Variants in PREX1 observed in about 807,000 individuals in gnomAD.
The protein encoded by PREX1 is phosphatidylinositol-3,4,5-trisphosphate dependent Rac exchange factor 1, also known as phosphatidylinositol 3,4,5-trisphosphate-dependent Rac exchanger 1 protein.
Under a neutral mutation model 198.3 loss-of-function variants are expected in PREX1, and 41 were observed. The observed-to-expected ratio is 0.21, with a 90% confidence interval of 0.16 to 0.27. PREX1 has a LOEUF of 0.27. PREX1 is among the 10% of genes least tolerant of loss of function. The pLI is 1.00. For missense variants in PREX1, 1,620 were observed against 2,200.7 expected, an observed-to-expected ratio of 0.74 and a Z score of 5.28; for synonymous variants, 843 against 887.2, an observed-to-expected ratio of 0.95 and a Z score of 0.89.
chr20:48,660,138 C>T (rs1343511130), intron 15 of PREX1, 77 bp from the exon 16 acceptor site: 15 of 1,570,218 alleles, frequency 9.6e-6, no homozygotes, highest in Non-Finnish European at 2.6e-6. Flanking sequence ...CTGGCAGGCA[C>T]AGGCTGGAAC....
At chr20:48,759,563 AAAAAAGAAAAGAAAG>A (rs1314466923) in intron 1 of PREX1, among the ~76,000 whole-genome samples, 5 of 151,444 alleles carry the variant, frequency 3.3e-5, no homozygotes, top group African/African-American at 1.2e-4. Flanking sequence ...AAAAAAAAAA[AAAAAAGAAAAGAAAG>A]AAAAAAAGAA....
chr20:48,707,677 AACC>A (rs2089909800), intron 6 of PREX1, among the ~76,000 whole-genome samples: 1 of 152,180 alleles, frequency 6.6e-6, no homozygotes, highest in Non-Finnish European at 1.5e-5. Flanking sequence ...ATTCACAGGA[AACC>A]TCTAATAATC....
chr20:48,856,920 T>A, the PREX1 span, among the ~76,000 whole-genome samples: 22 of 152,176 alleles, frequency 1.4e-4, no homozygotes, highest in Admixed American at 5.2e-4. Flanking sequence ...GTTCACTGCA[T>A]CCTCTGCCTC....
chr20:48,866,169 C>G, the PREX1 span, among the ~76,000 whole-genome samples: 2 of 152,064 alleles, frequency 1.3e-5, no homozygotes, highest in Admixed American at 6.6e-5. Flanking sequence ...CCAGGCTGGT[C>G]TCAAACTCCT....
At chr20:48,849,186 C>A in the PREX1 span, among the ~76,000 whole-genome samples, 1 of 152,112 alleles carries the variant, frequency 6.6e-6, no homozygotes, top group Admixed American at 6.5e-5. Context: ...TCCATTTCCA[C>A]CATGTAGCTT....
At chr20:48,726,065 G>A (rs1275213772) in intron 5 of PREX1, among the ~76,000 whole-genome samples, 1 of 152,162 alleles carries the variant, frequency 6.6e-6, no homozygotes, top group African/African-American at 2.4e-5. Flanking sequence ...AACTTGAGAG[G>A]ATGTGAGGCC....
chr20:48,686,751 A>AC (rs1040789577), intron 10 of PREX1, among the ~76,000 whole-genome samples: 1 of 152,240 alleles, frequency 6.6e-6, no homozygotes, highest in African/African-American at 2.4e-5. Context: ...AAAATAGGGC[A>AC]CCAAGGCCCT....
chr20:48,630,900 ACT>A (rs1225511452), intron 35 of PREX1, 106 bp from the exon 36 acceptor site: 8 of 813,654 alleles, frequency 9.8e-6, no homozygotes, highest in South Asian at 6.3e-5. Flanking sequence ...CCCTCTGCCG[ACT>A]CTCAGAATGA....
intron 1 of PREX1, among the ~76,000 whole-genome samples, chr20:48,791,186 C>T (rs532176700): frequency 1.3e-5 from 2 of 152,180 alleles, no homozygotes; most frequent in Non-Finnish European, 2.9e-5. Flanking sequence ...TCACTCCCTT[C>T]GGTAAACACA....
intron 3 of PREX1, among the ~76,000 whole-genome samples, chr20:48,738,628 A>G (rs1402200164): frequency 6.6e-6 from 1 of 152,194 alleles, no homozygotes; most frequent in Non-Finnish European, 1.5e-5. Flanking sequence ...GAAACGGACA[A>G]ACAGTTGTGC....
At chr20:48,755,713 A>G (rs2090153453) in intron 1 of PREX1, among the ~76,000 whole-genome samples, 1 of 152,204 alleles carries the variant, frequency 6.6e-6, no homozygotes, top group African/African-American at 2.4e-5. Context: ...ACCTATAATT[A>G]CAGAATAAGG....
At chr20:48,723,358 T>A (rs1448696770) in intron 5 of PREX1, among the ~76,000 whole-genome samples, 1 of 152,110 alleles carries the variant, frequency 6.6e-6, no homozygotes, top group Non-Finnish European at 1.5e-5. Context: ...CTGGAAAATG[T>A]GACAGAAAGA....
intron 27 of PREX1, 122 bp downstream of exon 27, chr20:48,644,287 G>A: frequency 1.2e-6 from 1 of 826,790 alleles, no homozygotes. Context: ...ATCAAGTACA[G>A]GACCATGCAA....
chr20:48,868,515 G>A, the PREX1 span, among the ~76,000 whole-genome samples: 2 of 152,232 alleles, frequency 1.3e-5, no homozygotes, highest in Admixed American at 6.5e-5. Context: ...TTTTAGTAGA[G>A]ACAGGGTTTC....
At chr20:48,680,317 T>G (rs556281961) in intron 11 of PREX1, among the ~76,000 whole-genome samples, 4 of 152,268 alleles carry the variant, frequency 2.6e-5, no homozygotes, top group Non-Finnish European at 5.9e-5. Context: ...AGCAGCCTCT[T>G]TGCTGGGCTC....
Position 48,679,640 on chromosome 20 carries a change from A to G in PREX1, c.1539+11T>C. ...AGCTGAGTCAGAGTCACAGGGGCGG[A>G]GGGCCCCTACCTTGGACATGATGTC... On this transcript the variant is annotated intron_variant, in intron 12 of 39. Coordinates refer to ENST00000371941, the MANE Select transcript of PREX1 (RefSeq NM_020820.4). 6.3e-7 allele frequency: 1 copy of G among 1,589,456 alleles called. No individual in the cohort carries two copies. Among genetic ancestry groups the G allele is most frequent in the Non-Finnish European group, 8.6e-7 (1 of 1,157,616 alleles).
Position 48,747,903 on chromosome 20 carries a change from G to A in PREX1, c.220-23C>T, listed in dbSNP as rs1436961363. 6 of 1,603,274 alleles carry A rather than the reference G, an allele frequency of 3.7e-6. No homozygotes were observed. The South Asian group carries it at 4.4e-5, about 12-fold the overall frequency. On this transcript the variant is annotated intron_variant, in intron 1 of 39. Coordinates refer to ENST00000371941, the MANE Select transcript of PREX1 (RefSeq NM_020820.4). Reference sequence around the variant, plus strand: ...TGCCTGGAGGAGAGAAGCAGAGAGAGGTGAGTGTCCGCGTCTCCAGCTCTC... The same window carrying A: ...TGCCTGGAGGAGAGAAGCAGAGAGAAGTGAGTGTCCGCGTCTCCAGCTCTC...
At position 48,636,626 on chromosome 20, in the gene PREX1, A is replaced by G. The variant is rs777227302; in HGVS notation, c.4004T>C (p.Val1335Ala). 6.8e-6 allele frequency: 11 copies of G among 1,611,356 alleles called. No individual in the cohort carries two copies. The highest frequency in any genetic ancestry group is 1.3e-5 in the African/African-American group (1 of 74,910). The change falls in exon 32 of 40, where the codon GTG (valine) becomes GCG (alanine). Residue 1335 changes from valine (V) to alanine (A), a missense_variant. This residue lies in a region of PREX1 where 476 missense variants were observed against 603.4 expected (regional missense o/e 0.79). Coordinates refer to ENST00000371941, the MANE Select transcript of PREX1 (RefSeq NM_020820.4). ...CAGCAGCTGCTTGGAGAAGGTGCAC[A>G]CGGCGGCCACCAGGGCCTGGCAGAA... Reference protein sequence around the residue: ...AIFCQALVAAVCTFSKQLLAA... With the variant: ...AIFCQALVAAACTFSKQLLAA...
Position 48,827,908 on chromosome 20 carries a change from A to C in PREX1, c.-48T>G. The C allele has an allele frequency of 1.2e-6, 1 of 839,354 alleles. No individual in the cohort carries two copies. The highest frequency in any genetic ancestry group is 1.4e-6 in the Non-Finnish European group (1 of 703,854). 52.0% of individuals were successfully genotyped at this position (839,354 alleles called of 1,614,324 possible). A position where few individuals can be genotyped will look rare whatever the true frequency, so the allele number is the denominator to read the frequency against. On this transcript the variant is annotated 5_prime_UTR_variant, in exon 1 of 40. Coordinates refer to ENST00000371941, the MANE Select transcript of PREX1 (RefSeq NM_020820.4). This position sits in a 1 kb window ranked among gnomAD's most constrained non-coding sequence, Gnocchi z 4.1. ...GGCTCCTTCCGTCGCGCCGAGCGGC[A>C]ACTCAGGCGTCCAGGCGCCCCATCC...
Sources: gnomAD v4.1 joint callset for allele counts (sites outside exome capture counted in the v4.1 genomes callset) on GRCh38, gnomAD v4.1.1 for gene constraint, gnomAD v4.1.1 regional missense constraint, Gnocchi (gnomAD v3.1) non-coding constraint, MANE v1.5 for transcripts, NCBI Gene and HGNC (gene_info 2026-07-23, HGNC 2026-07-21) for gene names.